ASH1L: variants seen among roughly 807,000 people sequenced by gnomAD.
The protein encoded by ASH1L is histone-lysine N-methyltransferase ASH1L.
Under a neutral mutation model 269.0 loss-of-function variants are expected in ASH1L, and 23 were observed. The observed-to-expected ratio is 0.09, with a 90% CI of 0.06 to 0.12. The LOEUF is 0.12. Among genes scored for constraint, ASH1L ranks in the 10% least tolerant of loss-of-function variants. ASH1L has a pLI of 1.00. For missense variants in ASH1L, 2,912 were observed against 3,567.8 expected (o/e 0.82, Z 4.68); for synonymous variants, 1,187 against 1,253.5 (o/e 0.95, Z 1.12).
chr1:155,438,268 A>G (rs2148617785), intron 5 of ASH1L, 59 bp downstream of exon 5: 1 of 1,462,520 alleles, frequency 6.8e-7, no homozygotes. Context: ...ATAGAGTTAC[A>G]TTACAGTTTT....
At chr1:155,463,627 T>C (rs920036771) in intron 3 of ASH1L, among the ~76,000 whole-genome samples, 8 of 151,522 alleles carry the variant, frequency 5.3e-5, no homozygotes, top group Non-Finnish European at 1.2e-4. Context: ...ACTCAGTCTC[T>C]ACAAAAAAAA....
At chr1:155,433,310 G>A (rs775482933) in intron 5 of ASH1L, 1 of 1,580,720 alleles carries the variant, frequency 6.3e-7, no homozygotes, top group Admixed American at 1.8e-5. Flanking sequence ...CCCTCCTGGA[G>A]GGCCAGGAAT....
intron 2 of ASH1L, among the ~76,000 whole-genome samples, chr1:155,512,889 T>C (rs1337688185): frequency 4.6e-5 from 7 of 151,276 alleles, no homozygotes; most frequent in East Asian, 2.0e-4. Flanking sequence ...AGGAGCAACA[T>C]TTCTACAAAA....
rs185785371 is a variant in ASH1L at position 155,511,631 on chromosome 1, G to C, written c.420+9469C>G. Among the ~76,000 whole-genome samples, 1,102 of 152,136 alleles carry C rather than the reference G, an allele frequency of 7.2e-3. 6 individuals carry two copies. The highest frequency in any genetic ancestry group is 0.012 in the Non-Finnish European group (789 of 67,988). On this transcript the variant is annotated intron_variant, in intron 2 of 27. Transcript: ENST00000392403. ...AGTGATTCTCCTGCCTCAGCCTCCTGAGTCACTGGGACTACAGGCGTGAGC... is the reference window on the plus strand; with the variant it reads ...AGTGATTCTCCTGCCTCAGCCTCCTCAGTCACTGGGACTACAGGCGTGAGC...
chr1:155,467,098 G>C (rs1239544012), intron 3 of ASH1L, among the ~76,000 whole-genome samples: 1 of 152,040 alleles, frequency 6.6e-6, no homozygotes. Flanking sequence ...TCTATGACTT[G>C]TAAGCTATAA....
chr1:155,508,353 A>G (rs1421375536), intron 2 of ASH1L, among the ~76,000 whole-genome samples: 4 of 152,212 alleles, frequency 2.6e-5, no homozygotes, highest in Non-Finnish European at 5.9e-5. Flanking sequence ...TAAAATTAAT[A>G]ATGAGTCCAA....
At chr1:155,546,172 A>AC (rs1670804073) in intron 1 of ASH1L, among the ~76,000 whole-genome samples, 1 of 150,942 alleles carries the variant, frequency 6.6e-6, no homozygotes, top group Non-Finnish European at 1.5e-5. Flanking sequence ...AAAAAAAAAA[A>AC]AAACAAAAAT....
intron 6 of ASH1L, among the ~76,000 whole-genome samples, chr1:155,409,188 G>C (rs1659559607): frequency 6.6e-6 from 1 of 151,968 alleles, no homozygotes; most frequent in African/African-American, 2.4e-5. Context: ...ACCAGGCCTG[G>C]CTAATTTTTG....
intron 12 of ASH1L, among the ~76,000 whole-genome samples, chr1:155,362,910 T>C (rs1371961648): frequency 6.6e-6 from 1 of 152,202 alleles, no homozygotes; most frequent in Non-Finnish European, 1.5e-5. Context: ...CCCTATTACA[T>C]GTAACCTTGC....
intron 6 of ASH1L, among the ~76,000 whole-genome samples, chr1:155,413,478 G>T (rs1238952881): frequency 1.3e-5 from 2 of 152,068 alleles, no homozygotes; most frequent in African/African-American, 4.8e-5. Context: ...ACGGTGGTGG[G>T]TGCCTGTAAT....
chr1:155,353,516 G>C (rs1358971434), intron 16 of ASH1L, among the ~76,000 whole-genome samples: 1 of 152,152 alleles, frequency 6.6e-6, no homozygotes, highest in Non-Finnish European at 1.5e-5. Flanking sequence ...TTAAAAAAAA[G>C]AGCATGATCT....
At chr1:155,404,517 A>T (rs1211590040) in intron 6 of ASH1L, among the ~76,000 whole-genome samples, 6 of 152,106 alleles carry the variant, frequency 3.9e-5, no homozygotes, top group Admixed American at 3.9e-4. Flanking sequence ...TCTCTACAAA[A>T]AATAAAAAAA....
intron 7 of ASH1L, among the ~76,000 whole-genome samples, chr1:155,391,317 A>C (rs1411640616): frequency 1.3e-5 from 2 of 152,102 alleles, no homozygotes; most frequent in African/African-American, 4.8e-5. Context: ...TTAAACCTAC[A>C]TTTTGTGTTT....
intron 2 of ASH1L, among the ~76,000 whole-genome samples, chr1:155,514,558 T>C (rs963217226): frequency 1.1e-4 from 16 of 152,026 alleles, no homozygotes; most frequent in Non-Finnish European, 1.9e-4. Flanking sequence ...TATATTTATA[T>C]TTATATTTAT....
intron 21 of ASH1L, among the ~76,000 whole-genome samples, chr1:155,345,217 G>A (rs1297736244): frequency 9.1e-6 from 1 of 110,146 alleles, no homozygotes; most frequent in African/African-American, 3.5e-5. Flanking sequence ...GTCTCACTCC[G>A]TCACCCGGGC....
intron 6 of ASH1L, among the ~76,000 whole-genome samples, chr1:155,414,457 G>A (rs1178938258): frequency 6.6e-6 from 1 of 152,032 alleles, no homozygotes; most frequent in Non-Finnish European, 1.5e-5. Flanking sequence ...TTACAGGCAT[G>A]TGCCACCACA....
At chr1:155,545,259 G>A (rs1438429112) in intron 1 of ASH1L, among the ~76,000 whole-genome samples, 2 of 135,864 alleles carry the variant, frequency 1.5e-5, no homozygotes, top group Non-Finnish European at 3.1e-5. Flanking sequence ...AAGTAATACT[G>A]ATAATGTATG....
In ASH1L at chr1:155,524,839, C is replaced by CA. The variant is rs1236648338; in HGVS notation, c.-99-3222dup. Among the ~76,000 whole-genome samples, 10 of 150,586 alleles carry CA rather than the reference C, an allele frequency of 6.6e-5. No individual in the cohort carries two copies. The East Asian group carries it at 1.9e-3, about 29-fold the overall frequency. On this transcript the variant is annotated intron_variant, in intron 1 of 27. Coordinates refer to ENST00000392403, the MANE Select transcript of ASH1L (RefSeq NM_018489.3). ...TGGGCAACAGAACAAGACCCTGTCT[C>CA]AAAAAAACAAATACATAATTAGGGA...
rs747116312 is a variant in ASH1L, at chr1:155,433,394, G to A, written c.5828+4933C>T. ...CCCCCCGCTGTATGAGTTCTGTGGG[G>A]GGATGGCGTACTGTGGGCCTCAGGT... On this transcript the variant is annotated intron_variant, in intron 5 of 27. Transcript: ENST00000392403. 7 of 1,605,222 alleles carry A rather than the reference G, an allele frequency of 4.4e-6. No homozygotes were observed. In the South Asian group the frequency reaches 4.5e-5, roughly 10 times the overall value.
Sources: allele counts gnomAD v4.1 joint callset (sites outside exome capture counted in the v4.1 genomes callset), GRCh38; gene constraint gnomAD v4.1.1; transcripts MANE v1.5; gene names NCBI Gene and HGNC (gene_info 2026-07-23, HGNC 2026-07-21).